Variants in IGFBPL1 observed in about 807,000 individuals in gnomAD.
IGFBPL1 encodes insulin like growth factor binding protein like 1, also known as insulin-like growth factor-binding protein-like 1.
In IGFBPL1, 20 loss-of-function variants were observed where a neutral mutation model predicts 23.9. That is an observed-to-expected ratio of 0.84 (90% confidence interval 0.59 to 1.22). IGFBPL1 has a LOEUF of 1.22. Among genes scored for constraint, IGFBPL1 ranks in the 50% most tolerant of loss-of-function variants. IGFBPL1 has a pLI of 0.00. For missense variants in IGFBPL1, 436 were observed against 379.3 expected, an observed-to-expected ratio of 1.15 and a Z score of -1.24; for synonymous variants, 184 against 171.8, an observed-to-expected ratio of 1.07 and a Z score of -0.56.
intron 2 of IGFBPL1, among the ~76,000 whole-genome samples, chr9:38,413,631 T>C (rs2118305090): frequency 6.6e-6 from 1 of 152,316 alleles, no homozygotes; most frequent in South Asian, 2.1e-4. Flanking sequence ...CTATTGACAT[T>C]AAGGGGACAA....
chr9:38,412,677 C>A (rs1821530915), intron 3 of IGFBPL1, among the ~76,000 whole-genome samples: 1 of 152,154 alleles, frequency 6.6e-6, no homozygotes, highest in East Asian at 1.9e-4. Context: ...GGGCTAAGAT[C>A]AAGGTGCCGG....
rs755027161 is a variant in IGFBPL1 at position 38,407,367 on chromosome 9, C to T, written c.*1860G>A. On this transcript the variant is annotated 3_prime_UTR_variant, in exon 5 of 5. Coordinates refer to ENST00000377694, the MANE Select transcript of IGFBPL1 (RefSeq NM_001007563.3). Reference sequence around the variant, plus strand: ...AGGAGACTTGCTCAGGGTCACACAGCGAGCCGGGGATTAATATGCAAATGG... The same window carrying T: ...AGGAGACTTGCTCAGGGTCACACAGTGAGCCGGGGATTAATATGCAAATGG... Among the ~76,000 whole-genome samples the T allele has an allele frequency of 5.3e-5, 8 of 152,168 alleles. No individual in the cohort carries two copies. The highest frequency in any genetic ancestry group is 8.8e-5 in the Non-Finnish European group (6 of 68,042).
rs753365768 is a variant in IGFBPL1 at position 38,411,417 on chromosome 9, G to A, written c.820C>T (p.Pro274Ser). The A allele has an allele frequency of 6.2e-7, 1 of 1,612,806 alleles. No individual in the cohort carries two copies. Among genetic ancestry groups the A allele is most frequent in the Non-Finnish European group, 8.5e-7 (1 of 1,179,870 alleles). ...TTTCTCCATCACATGCGGTCATCGG[G>A]AGCTGGGAAGTGGAAGCTCCTGTAT... is the stretch of plus-strand genomic sequence containing the variant. Reference protein sequence around the residue: ...SKYRSFHFPAPDDRM With the variant: ...SKYRSFHFPASDDRM Residue 274 changes from proline to serine, a missense_variant, in exon 4 of 5, where the codon CCC becomes TCC. By Grantham distance (74) the Pro-to-Ser change is moderately conservative. Coordinates refer to ENST00000377694, the MANE Select transcript of IGFBPL1 (RefSeq NM_001007563.3).
chr9:38,417,964 T>C (rs1821623359), intron 1 of IGFBPL1, among the ~76,000 whole-genome samples: 1 of 152,164 alleles, frequency 6.6e-6, no homozygotes, highest in African/African-American at 2.4e-5. Flanking sequence ...GGAACCCCCC[T>C]GAAATCTAAG....
In IGFBPL1 at chr9:38,409,074, T is replaced by C. The variant is rs1385929306; in HGVS notation, c.*153A>G. The C allele has an allele frequency of 2.6e-5, 4 of 152,188 alleles. No homozygotes were observed. Among genetic ancestry groups the C allele is most frequent in the Admixed American group, 6.5e-5 (1 of 15,282 alleles). 9.4% of individuals were successfully genotyped at this position (152,188 alleles called of 1,614,324 possible). ...ACTGTTTGCCCTGCTAAAAACTACA[T>C]CTGCATACAGATCTAGTTTGCATCT... On this transcript the variant is annotated 3_prime_UTR_variant, in exon 5 of 5. Transcript: ENST00000377694.
intron 3 of IGFBPL1, among the ~76,000 whole-genome samples, chr9:38,412,973 C>A (rs1821534497): frequency 6.6e-6 from 1 of 152,206 alleles, no homozygotes. Flanking sequence ...CCACAACCTC[C>A]CTCCCACCAC....
intron 1 of IGFBPL1, among the ~76,000 whole-genome samples, chr9:38,415,841 T>C (rs1821593518): frequency 6.6e-6 from 1 of 151,948 alleles, no homozygotes; most frequent in African/African-American, 2.4e-5. Context: ...CACCAGTGAG[T>C]TGAATACAGA....
chr9:38,416,850 A>ATT (rs200909740), intron 1 of IGFBPL1, among the ~76,000 whole-genome samples: 1 of 151,262 alleles, frequency 6.6e-6, no homozygotes, highest in African/African-American at 2.4e-5. Context: ...AATTAAAAAA[A>ATT]ATTTTTTTTT....
At position 38,414,205 on chromosome 9, in the gene IGFBPL1, TAGG is replaced by T. The variant is rs763863487; in HGVS notation, c.461-5_461-3del. 4.4e-6 allele frequency: 7 copies of T among 1,582,566 alleles called. No individual in the cohort carries two copies. Among genetic ancestry groups the T allele is most frequent in the Non-Finnish European group, 5.2e-6 (6 of 1,162,170 alleles). ...GGGGAGGAACGACGACCACAGGAGC[TAGG>T]AGGAGGAGACAAGGAGACGCAGCCT... On this transcript the variant is annotated splice_region_variant and splice_polypyrimidine_tract_variant and intron_variant, in intron 1 of 4. Coordinates refer to ENST00000377694, the MANE Select transcript of IGFBPL1 (RefSeq NM_001007563.3).
At chr9:38,419,881 TCCTC>T (rs1270582181) in intron 1 of IGFBPL1, among the ~76,000 whole-genome samples, 2 of 128,832 alleles carry the variant, frequency 1.6e-5, no homozygotes, top group Non-Finnish European at 3.5e-5. Flanking sequence ...CTCCTCCTCC[TCCTC>T]CTCCTCCTTC....
At chr9:38,419,888 C>T (rs113186635) in intron 1 of IGFBPL1, among the ~76,000 whole-genome samples, 2,948 of 78,492 alleles carry the variant, frequency 0.038, 43 homozygotes, top group Middle Eastern at 0.11. Flanking sequence ...TCCTCCTCCT[C>T]CTCCTTCTTC....
chr9:38,407,824 T>C lies in IGFBPL1; in HGVS notation c.*1403A>G, dbSNP rs1291154503. Among the ~76,000 whole-genome samples the C allele has an allele frequency of 3.9e-5, 6 of 152,226 alleles. No homozygotes were observed. Among genetic ancestry groups the C allele is most frequent in the Non-Finnish European group, 7.3e-5 (5 of 68,042 alleles). On this transcript the variant is annotated 3_prime_UTR_variant, in exon 5 of 5. Coordinates refer to ENST00000377694, the MANE Select transcript of IGFBPL1 (RefSeq NM_001007563.3). ...CCTGCCCCATCTCCCAGAGTTGGGA[T>C]CAAGCTTTATGAACTTAAAGGACTG...
intron 1 of IGFBPL1, 142 bp from the exon 2 acceptor site, chr9:38,414,345 A>C: frequency 1.7e-6 from 1 of 576,270 alleles, no homozygotes; most frequent in African/African-American, 1.9e-5. Context: ...AGGAATCCTA[A>C]AAGAGAGATT....
chr9:38,418,739 G>A (rs1311058427), intron 1 of IGFBPL1, among the ~76,000 whole-genome samples: 1 of 152,064 alleles, frequency 6.6e-6, no homozygotes, highest in African/African-American at 2.4e-5. Context: ...GCTGATACTT[G>A]TTTCCTTCTG....
At position 38,414,026 on chromosome 9, in the gene IGFBPL1, C is replaced by CTT. The variant is rs1491518636; in HGVS notation, c.570+67_570+68insAA. The CTT allele has an allele frequency of 5.3e-4, 265 of 502,634 alleles. 2 individuals carry two copies. Among genetic ancestry groups the CTT allele is most frequent in the Admixed American group, 3.4e-3 (93 of 26,972 alleles). The allele number at this position is 502,634 out of a possible 1,614,324, so 31.1% of individuals were successfully genotyped here. A position where few individuals can be genotyped will look rare whatever the true frequency, so the allele number is the denominator to read the frequency against. On this transcript the variant is annotated intron_variant, in intron 2 of 4. Transcript: ENST00000377694. ...TTTTACCACTCACGTCTGTTTCTCC[C>CTT]TCTTTCTCACACACACACACACACA... is the stretch of plus-strand genomic sequence containing the variant.
intron 1 of IGFBPL1, among the ~76,000 whole-genome samples, chr9:38,417,669 T>A (rs530042093): frequency 5.9e-5 from 9 of 152,258 alleles, no homozygotes; most frequent in African/African-American, 2.2e-4. Context: ...GATTTTCCCA[T>A]CTGGCAAAAT....
chr9:38,409,277 A>G (rs148775145), intron 4 of IGFBPL1, 60 bp from the exon 5 acceptor site: 45 of 152,344 alleles, frequency 3.0e-4, no homozygotes, highest in African/African-American at 1.1e-3. Context: ...ACAATCAACT[A>G]TGTGTTACAT....
chr9:38,410,502 G>T (rs1015072547), intron 4 of IGFBPL1, among the ~76,000 whole-genome samples: 1 of 65,422 alleles, frequency 1.5e-5, no homozygotes, highest in Admixed American at 1.6e-4. Flanking sequence ...AAAAAAAAAT[G>T]ATTGGTCTGT....
At chr9:38,421,753 T>C (rs1361406545) in intron 1 of IGFBPL1, among the ~76,000 whole-genome samples, 1 of 152,200 alleles carries the variant, frequency 6.6e-6, no homozygotes, top group African/African-American at 2.4e-5. Flanking sequence ...AAACATCCCC[T>C]GTCCAAACCT....
Sources: gnomAD v4.1 joint callset for allele counts (sites outside exome capture counted in the v4.1 genomes callset) on GRCh38, gnomAD v4.1.1 for gene constraint, MANE v1.5 for transcripts, NCBI Gene and HGNC (gene_info 2026-07-23, HGNC 2026-07-21) for gene names.